EXOC4: variants seen among roughly 807,000 people sequenced by gnomAD.
EXOC4 encodes exocyst complex component 4, also known as SEC8-like 1.
In EXOC4, 71 loss-of-function variants were observed where a neutral mutation model predicts 107.2. The ratio of observed to expected loss-of-function variants is 0.66; its 90% CI spans 0.55 to 0.81. EXOC4 has a LOEUF of 0.81. EXOC4 is among the 30% of genes least tolerant of loss of function. EXOC4 has a pLI of 0.00. For synonymous variants in EXOC4, 456 were observed against 441.2 expected (o/e 1.03, Z -0.42); for missense variants, 1,108 against 1,189.6 (o/e 0.93, Z 1.01).
chr7:133,997,598 T>C lies in EXOC4; in HGVS notation c.2313T>C (p.Ala771=). Residue 771 remains alanine (A), a synonymous_variant, in exon 15 of 18, where the codon GCT becomes GCC. Coordinates refer to ENST00000253861, the MANE Select transcript of EXOC4 (RefSeq NM_021807.4). The part of the protein sequence containing the change: ...SELAKSFQDM[A]DRCLLVLHLE... ...TTGCCAAATCGTTCCAGGATATGGC[T>C]GACCGCTGCTTGCTTGTCTTACATC... The C allele has an allele frequency of 6.2e-7, 1 of 1,613,608 alleles. No homozygotes were observed. The highest frequency in any genetic ancestry group is 1.1e-5 in the South Asian group (1 of 91,044).
chr7:133,648,571 G>C (rs1331076754), intron 10 of EXOC4, among the ~76,000 whole-genome samples: 3 of 152,098 alleles, frequency 2.0e-5, no homozygotes, highest in Non-Finnish European at 4.4e-5. Flanking sequence ...TTTATAGTAG[G>C]ATGATATAGT....
intron 7 of EXOC4, among the ~76,000 whole-genome samples, chr7:133,460,944 G>C (rs1450312338): frequency 2.0e-5 from 3 of 152,132 alleles, no homozygotes; most frequent in Non-Finnish European, 2.9e-5. Flanking sequence ...TACAGGAAAA[G>C]TTAAATATCC....
At chr7:133,755,255 ATATATATATTATATATAT>A (rs552633693) in intron 10 of EXOC4, among the ~76,000 whole-genome samples, 4 of 100,428 alleles carry the variant, frequency 4.0e-5, no homozygotes, top group African/African-American at 1.4e-4. Context: ...TATATATATT[ATATATATATTATATATAT>A]TATATATATT....
At chr7:133,458,750 G>A (rs1166921526) in intron 7 of EXOC4, among the ~76,000 whole-genome samples, 1 of 152,176 alleles carries the variant, frequency 6.6e-6, no homozygotes, top group Admixed American at 6.5e-5. Flanking sequence ...TTAGTCAAGT[G>A]CATGATTAAC....
chr7:133,829,650 G>T (rs1301197468), intron 11 of EXOC4, among the ~76,000 whole-genome samples: 1 of 152,210 alleles, frequency 6.6e-6, no homozygotes, highest in East Asian at 1.9e-4. Flanking sequence ...CTCTGTGAGG[G>T]TGTTCCCTGC....
intron 7 of EXOC4, among the ~76,000 whole-genome samples, chr7:133,421,559 C>G (rs944422045): frequency 6.6e-6 from 1 of 152,124 alleles, no homozygotes; most frequent in African/African-American, 2.4e-5. Flanking sequence ...GAAAGAGGGC[C>G]CACTGCTGGG....
rs191657027 is a variant in EXOC4, at chr7:133,672,900, G to A, written c.1514+42759G>A. On this transcript the variant is annotated intron_variant, in intron 10 of 17. Coordinates refer to ENST00000253861, the MANE Select transcript of EXOC4 (RefSeq NM_021807.4). ...ATTGCTTTATAATCACTTTTAAAAT[G>A]AACAATGCTGAACAAATTAATGGGT... Among the ~76,000 whole-genome samples the A allele has an allele frequency of 1.3e-4, 20 of 152,242 alleles. No homozygotes were observed. In the East Asian group the frequency reaches 3.9e-3, roughly 29 times the overall value.
intron 9 of EXOC4, among the ~76,000 whole-genome samples, chr7:133,584,575 TTTTTTTTTTG>T (rs1321921341): frequency 3.5e-4 from 3 of 8,674 alleles, no homozygotes; most frequent in Non-Finnish European, 1.1e-3. Flanking sequence ...CGTATTTCAG[TTTTTTTTTTG>T]TTTTTTTTTT....
intron 11 of EXOC4, among the ~76,000 whole-genome samples, chr7:133,836,983 T>C (rs1031458989): frequency 1.3e-5 from 2 of 152,212 alleles, no homozygotes; most frequent in African/African-American, 4.8e-5. Context: ...CACTCTAGCC[T>C]CTAATTTTTT....
intron 11 of EXOC4, among the ~76,000 whole-genome samples, chr7:133,886,032 C>T (rs1035172642): frequency 2.6e-5 from 4 of 152,114 alleles, no homozygotes; most frequent in Admixed American, 2.0e-4. Context: ...TGGTACTCCT[C>T]ATGTGTCCTT....
chr7:133,875,518 A>G (rs1048542647), intron 11 of EXOC4, among the ~76,000 whole-genome samples: 1 of 152,182 alleles, frequency 6.6e-6, no homozygotes, highest in Non-Finnish European at 1.5e-5. Flanking sequence ...AAAACTGCCC[A>G]CGAACTGTCT....
intron 9 of EXOC4, among the ~76,000 whole-genome samples, chr7:133,578,070 G>A (rs1343768116): frequency 6.6e-6 from 1 of 152,092 alleles, no homozygotes; most frequent in Non-Finnish European, 1.5e-5. Context: ...TTTTCCAATT[G>A]AACATACCTT....
rs1411920706 is a variant in EXOC4 at position 133,275,119 on chromosome 7, C to T, written c.224C>T (p.Thr75Ile). 7 of 1,613,114 alleles carry T rather than the reference C, an allele frequency of 4.3e-6. No individual in the cohort carries two copies. The South Asian group carries it at 7.7e-5, about 18-fold the overall frequency. The part of the protein sequence containing the change: ...HYTELTTAIR[T>I]YQSITERITN... ...ACAGAATTGACGACAGCCATTCGCA[C>T]ATACCAGAGCATCACAGAGCGCATC... Residue 75 changes from threonine to isoleucine, a missense_variant, in exon 2 of 18, where the codon ACA (threonine) becomes ATA (isoleucine). By Grantham distance (89) the Thr-to-Ile change is moderately conservative. Coordinates refer to ENST00000253861, the MANE Select transcript of EXOC4 (RefSeq NM_021807.4).
At chr7:133,307,480 CT>C (rs1346654168) in intron 4 of EXOC4, among the ~76,000 whole-genome samples, 2 of 152,070 alleles carry the variant, frequency 1.3e-5, no homozygotes, top group Admixed American at 6.6e-5. Flanking sequence ...TGAAAATATT[CT>C]GTATTATAAG....
At chr7:133,253,439 T>C in intron 1 of EXOC4, 1 of 1,232,852 alleles carries the variant, frequency 8.1e-7, no homozygotes, top group South Asian at 2.8e-5. Flanking sequence ...TCTATTACAG[T>C]CTCGGGACCC....
chr7:133,943,021 T>G (rs1454642458), intron 14 of EXOC4, among the ~76,000 whole-genome samples: 1 of 152,202 alleles, frequency 6.6e-6, no homozygotes, highest in Non-Finnish European at 1.5e-5. Flanking sequence ...CCACTAGCCT[T>G]GTGTGGCTAT....
At position 133,685,762 on chromosome 7, in the gene EXOC4, A is replaced by T. The variant is rs374473958; in HGVS notation, c.1514+55621A>T. ...AAAAATTTCTATAAATTTAAGGTGT[A>T]CAAGTGCATTTTTGTTGCATAGACA... On this transcript the variant is annotated intron_variant, in intron 10 of 17. Coordinates refer to ENST00000253861, the MANE Select transcript of EXOC4 (RefSeq NM_021807.4). 2.4e-4 allele frequency among the ~76,000 whole-genome samples: 36 copies of T among 152,316 alleles called. No individual in the cohort carries two copies. The East Asian group carries it at 4.8e-3, about 20-fold the overall frequency.
At chr7:133,527,172 G>C (rs1293568686) in intron 9 of EXOC4, among the ~76,000 whole-genome samples, 5 of 152,082 alleles carry the variant, frequency 3.3e-5, no homozygotes, top group Non-Finnish European at 7.3e-5. Flanking sequence ...GGGAGGCTGA[G>C]GTGGGTGGAT....
chr7:133,471,326 C>T (rs1300284544), intron 7 of EXOC4, among the ~76,000 whole-genome samples: 1 of 151,512 alleles, frequency 6.6e-6, no homozygotes, highest in Non-Finnish European at 1.5e-5. Flanking sequence ...GCAGGAGAAT[C>T]GCTTGAACCT....
Sources: gnomAD v4.1 joint callset for allele counts (sites outside exome capture counted in the v4.1 genomes callset) on GRCh38, gnomAD v4.1.1 for gene constraint, MANE v1.5 for transcripts, NCBI Gene and HGNC (gene_info 2026-07-23, HGNC 2026-07-21) for gene names.